The following SLC9A3 variants were observed in gnomAD, a reference collection of about 807,000 sequenced individuals.
The protein encoded by SLC9A3 is solute carrier family 9 member A3, also known as sodium/hydrogen exchanger 3.
In SLC9A3, 37 loss-of-function variants were observed where a neutral mutation model predicts 86.8. The ratio of observed to expected loss-of-function variants is 0.43; its 90% CI spans 0.33 to 0.56. The LOEUF is 0.56. Among genes scored for constraint, SLC9A3 ranks in the 20% least tolerant of loss-of-function variants. The probability of loss-of-function intolerance (pLI) is 0.06; values close to 1 mark genes in which losing one functional copy is unlikely to be tolerated. For synonymous variants in SLC9A3, 581 were observed against 528.3 expected, an observed-to-expected ratio of 1.10 and a Z score of -1.37; for missense variants, 1,011 against 1,171.9, an observed-to-expected ratio of 0.86 and a Z score of 2.00.
chr5:480,032 C>A, intron 9 of SLC9A3, 67 bp from the exon 10 acceptor site: 2 of 1,554,562 alleles, frequency 1.3e-6, no homozygotes, highest in South Asian at 1.2e-5. Flanking sequence ...GGACGCGTGG[C>A]CCGGCCCCTT....
rs1738677572 is a variant in SLC9A3, at chr5:475,648, C to T, written c.2164G>A (p.Glu722Lys). The change falls in exon 15 of 17, where the codon GAG becomes AAG. Residue 722 changes from glutamate to lysine, a missense_variant. This residue lies in a region of SLC9A3 where 397 missense variants were observed against 346.3 expected (regional missense o/e 1.15). Transcript: ENST00000264938. ...ATCTCCTCATCATAGTTGGGGGGCT[C>T]CTCGGTGTCTGAAAGTTCCAAGTCT... ...EKDLELSDTE[E>K]PPNYDEEMSG... is the part of the protein sequence containing the mutation. The T allele has an allele frequency of 1.3e-6, 2 of 1,551,168 alleles. No individual in the cohort carries two copies. Among genetic ancestry groups the T allele is most frequent in the African/African-American group, 1.4e-5 (1 of 73,040 alleles).
intron 14 of SLC9A3, 82 bp downstream of exon 14, chr5:475,938 G>C (rs1738698264): frequency 1.6e-6 from 2 of 1,237,152 alleles, no homozygotes; most frequent in Non-Finnish European, 1.1e-6. Flanking sequence ...GGTCCTGAGA[G>C]GGGAGGTTCC....
intron 10 of SLC9A3, 134 bp downstream of exon 10, chr5:479,696 ATCAGCC>A: frequency 1.3e-6 from 1 of 781,692 alleles, no homozygotes; most frequent in Non-Finnish European, 2.1e-6. Flanking sequence ...CAGAAGGCCC[ATCAGCC>A]TCCCGTGAAC....
intron 1 of SLC9A3, among the ~76,000 whole-genome samples, chr5:506,893 AAAC>A (rs1001845602): frequency 2.5e-3 from 11 of 4,488 alleles, no homozygotes; most frequent in African/African-American, 9.9e-3. Flanking sequence ...TGGAGAAACA[AAAC>A]AAAAAAAAAA....
chr5:515,718 C>T (rs1733708538), intron 1 of SLC9A3, among the ~76,000 whole-genome samples: 2 of 150,630 alleles, frequency 1.3e-5, no homozygotes, highest in African/African-American at 4.9e-5. Flanking sequence ...CATGCACAAC[C>T]CCTGCCACTC....
chr5:477,026 G>A (rs1252777559), intron 11 of SLC9A3: 2 of 504,396 alleles, frequency 4.0e-6, no homozygotes, highest in Non-Finnish European at 7.2e-6. Context: ...TGGAGCCCAG[G>A]GCCGGAGGAG....
chr5:512,677 T>C (rs1263183191), intron 1 of SLC9A3, among the ~76,000 whole-genome samples: 1 of 152,288 alleles, frequency 6.6e-6, no homozygotes, highest in East Asian at 1.9e-4. Context: ...AATTTAAGTC[T>C]ATTCGTTTTC....
chr5:475,013 T>G lies in SLC9A3; in HGVS notation c.2371A>C (p.Ile791Leu). ...CAGAAGGTGCCGGGAGAGTAGGGAA[T>G]CTGCGTGCGGGCCCTCTGCGAGGGG... ...VVPSQRARTQ[I>L]PYSPGTFCRL... The change falls in exon 16 of 17, where the codon ATT becomes CTT. Residue 791 changes from isoleucine (I) to leucine (L), a missense_variant. By Grantham distance (5) the Ile-to-Leu change is conservative. Coordinates refer to ENST00000264938, the MANE Select transcript of SLC9A3 (RefSeq NM_004174.4). 1 of 1,612,172 alleles carries G rather than the reference T, an allele frequency of 6.2e-7. No individual in the cohort carries two copies. The highest frequency in any genetic ancestry group is 8.5e-7 in the Non-Finnish European group (1 of 1,179,712).
Position 476,244 on chromosome 5 carries a change from CTTG to C in SLC9A3, c.2022_2024del (p.Asn674del). ...CCCGCTTGTACAGCTTGGCCGCCTT[CTTG>C]TTCTGGTTGAGCCCCAGCTTGGTCG... is the stretch of plus-strand genomic sequence containing the variant. On this transcript the variant is annotated inframe_deletion, in exon 13 of 17. Transcript: ENST00000264938. The C allele has an allele frequency of 1.9e-6, 3 of 1,614,022 alleles. No homozygotes were observed. The highest frequency in any genetic ancestry group is 2.2e-5 in the East Asian group (1 of 44,878).
At chr5:477,607 G>A in intron 10 of SLC9A3, 163 bp from the exon 11 acceptor site, 1 of 550,192 alleles carries the variant, frequency 1.8e-6, no homozygotes, top group Non-Finnish European at 3.2e-6. Context: ...GGGTGGAAAT[G>A]CCAAAACCAG....
At chr5:484,851 T>G (rs970637351) in intron 4 of SLC9A3, among the ~76,000 whole-genome samples, 154 bp from the exon 5 acceptor site, 1 of 152,160 alleles carries the variant, frequency 6.6e-6, no homozygotes, top group Non-Finnish European at 1.5e-5. Context: ...GCACCAGCCT[T>G]GGTTCAGCAA....
chr5:523,860 C>CCCGGGAG (rs1175329408), intron 1 of SLC9A3, among the ~76,000 whole-genome samples: 5 of 152,166 alleles, frequency 3.3e-5, no homozygotes, highest in Non-Finnish European at 7.4e-5. Context: ...CCCACAGGGA[C>CCCGGGAG]CCGGGAGCCG....
intron 1 of SLC9A3, among the ~76,000 whole-genome samples, chr5:523,819 G>T (rs1397418649): frequency 6.6e-6 from 1 of 152,200 alleles, no homozygotes. Flanking sequence ...CCTGCAGTCT[G>T]CGGGGCTCGG....
In SLC9A3 at chr5:483,552, C is replaced by G. The variant is rs182844674; in HGVS notation, c.933-70G>C. The G allele has an allele frequency of 8.6e-4, 946 of 1,103,166 alleles. 4 individuals are homozygous for G. In the African/African-American group the frequency reaches 0.013, roughly 15 times the overall value. 68.3% of individuals were successfully genotyped at this position (1,103,166 alleles called of 1,614,324 possible). A position where few individuals can be genotyped will look rare whatever the true frequency, so the allele number is the denominator to read the frequency against. On this transcript the variant is annotated intron_variant, in intron 5 of 16. Coordinates refer to ENST00000264938, the MANE Select transcript of SLC9A3 (RefSeq NM_004174.4). Reference sequence around the variant, plus strand: ...GCCCGAGGCCCCCGTGTCCGCCCAGCCCCCCACGGCCTGGCGCCTGTAGGC... The same window carrying G: ...GCCCGAGGCCCCCGTGTCCGCCCAGGCCCCCACGGCCTGGCGCCTGTAGGC...
intron 9 of SLC9A3, chr5:480,869 G>A (rs1240751991): frequency 2.0e-5 from 3 of 152,272 alleles, no homozygotes; most frequent in African/African-American, 7.2e-5. Flanking sequence ...ATAAAACATA[G>A]GTGATTTCAC....
chr5:475,173 C>A (rs975177907), intron 15 of SLC9A3, 41 bp from the exon 16 acceptor site: 4 of 1,527,574 alleles, frequency 2.6e-6, no homozygotes, highest in South Asian at 1.3e-5. Flanking sequence ...TCGGAGAGCC[C>A]CACGGCGGCA....
chr5:472,214 G>A lies in SLC9A3; in HGVS notation c.*1165C>T, dbSNP rs1384378613. ...TGGGCTGGATGGTCTCCCTGCAGAG[G>A]ACCAGGAGCTCTGTCCAAGGCCTCG... On this transcript the variant is annotated 3_prime_UTR_variant, in exon 17 of 17. Transcript: ENST00000264938. 1 of 360,964 alleles carries A rather than the reference G, an allele frequency of 2.8e-6. No individual in the cohort carries two copies. The highest frequency in any genetic ancestry group is 2.1e-5 in the African/African-American group (1 of 46,774). 22.4% of individuals were successfully genotyped at this position (360,964 alleles called of 1,614,324 possible).
At chr5:492,933 C>T (rs114982721) in intron 1 of SLC9A3, among the ~76,000 whole-genome samples, 2,824 of 152,276 alleles carry the variant, frequency 0.019, 83 homozygotes, top group African/African-American at 0.061. Context: ...GGTCCCGCCA[C>T]TCCACTCCGC....
At chr5:511,188 T>C in intron 1 of SLC9A3, among the ~76,000 whole-genome samples, 1 of 152,150 alleles carries the variant, frequency 6.6e-6, no homozygotes. Context: ...AAGGCCGGCA[T>C]TTAAGTGGAC....
Sources: allele counts gnomAD v4.1 joint callset (sites outside exome capture counted in the v4.1 genomes callset), GRCh38; gene constraint gnomAD v4.1.1; regional missense constraint gnomAD v4.1.1; transcripts MANE v1.5; gene names NCBI Gene and HGNC (gene_info 2026-07-23, HGNC 2026-07-21).